The following ZNF556 variants were observed in gnomAD, a reference collection of about 807,000 sequenced individuals.
ZNF556 encodes the protein zinc finger protein 556.
In ZNF556, 11 loss-of-function variants were observed where a neutral mutation model predicts 13.6. The ratio of observed to expected loss-of-function variants is 0.81; its 90% CI spans 0.51 to 1.33. The LOEUF (loss-of-function observed/expected upper bound fraction) is 1.33, where lower values mean the gene tolerates loss of function less well. Among genes scored for constraint, ZNF556 ranks in the 40% most tolerant of loss-of-function variants. The pLI is 0.00. For missense variants in ZNF556, 633 were observed against 566.2 expected, an observed-to-expected ratio of 1.12 and a Z score of -1.20; for synonymous variants, 229 against 207.8, an observed-to-expected ratio of 1.10 and a Z score of -0.88.
chr19:2,877,578 C>A lies in ZNF556; in HGVS notation c.620C>A (p.Ser207Tyr), dbSNP rs371915975. 18 of 1,614,018 alleles carry A rather than the reference C, an allele frequency of 1.1e-5. No individual in the cohort carries two copies. The highest frequency in any genetic ancestry group is 1.1e-4 in the East Asian group (5 of 44,884). The change falls in exon 4 of 4, where the codon TCT becomes TAT. Residue 207 changes from serine to tyrosine, a missense_variant. Ser to Tyr is a moderately radical substitution (Grantham distance 144). Transcript: ENST00000307635. ...GGAGAGAAACCCTATGCCTGTCAAT[C>A]TTGCGGGAAGACATTTCTTCGTTCC... Reference protein sequence around the residue: ...HSGEKPYACQSCGKTFLRSHS... With the variant: ...HSGEKPYACQYCGKTFLRSHS...
rs775653845 is a variant in ZNF556, at chr19:2,878,268, C to T, written c.1310C>T (p.Pro437Leu). 1.9e-6 allele frequency: 3 copies of T among 1,613,982 alleles called. No individual in the cohort carries two copies. Among genetic ancestry groups the T allele is most frequent in the African/African-American group, 2.7e-5 (2 of 74,892 alleles). ...CEKCGKAFSC[P>L]KAFQGHVRSH... is the part of the protein sequence containing the mutation. ...AAATGTGGGAAAGCTTTCAGTTGTC[C>T]CAAAGCCTTTCAAGGTCATGTGAGA... is the stretch of plus-strand genomic sequence containing the variant. Residue 437 changes from proline to leucine, a missense_variant, in exon 4 of 4, where the codon CCC (proline) becomes CTC (leucine). Coordinates refer to ENST00000307635, the MANE Select transcript of ZNF556 (RefSeq NM_024967.3).
In ZNF556 at chr19:2,877,891, G is replaced by A. The variant is rs180801559; in HGVS notation, c.933G>A (p.Gly311=). ...AACGACACGTGAGAATTCACAACGG[G>A]GAGAAACCCTATAAGTGTGGAAAAT... ...SFQRHVRIHN[G]EKPYKCGKCG... The change falls in exon 4 of 4, where the codon GGG becomes GGA. Residue 311 remains glycine, a synonymous_variant. Coordinates refer to ENST00000307635, the MANE Select transcript of ZNF556 (RefSeq NM_024967.3). 48 of 1,614,164 alleles carry A rather than the reference G, an allele frequency of 3.0e-5. 1 individual carries two copies. In the East Asian group the frequency reaches 9.6e-4, roughly 32 times the overall value.
At chr19:2,875,972 A>G (rs1401765271) in intron 2 of ZNF556, 121 bp from the exon 3 acceptor site, 2 of 910,426 alleles carry the variant, frequency 2.2e-6, no homozygotes, top group East Asian at 6.3e-5. Context: ...TCAAAAATAA[A>G]TAAATAAATA....
chr19:2,876,526 C>A (rs530443788), intron 3 of ZNF556, among the ~76,000 whole-genome samples: 2 of 152,070 alleles, frequency 1.3e-5, no homozygotes, highest in Non-Finnish European at 2.9e-5. Context: ...TTGTGACCAG[C>A]CTGACCGACA....
At chr19:2,874,576 C>T (rs2087833564) in intron 2 of ZNF556, among the ~76,000 whole-genome samples, 1 of 151,736 alleles carries the variant, frequency 6.6e-6, no homozygotes, top group Admixed American at 6.6e-5. Context: ...AACCCTGTCT[C>T]TACTAAAAAT....
At chr19:2,868,738 A>T (rs1295929043) in intron 1 of ZNF556, among the ~76,000 whole-genome samples, 15 of 106,622 alleles carry the variant, frequency 1.4e-4, no homozygotes, top group Non-Finnish European at 9.3e-5. Context: ...TTTTTTTTTC[A>T]GATGGAGCCT....
In ZNF556 at chr19:2,877,364, C is replaced by T. The variant is rs973932290; in HGVS notation, c.406C>T (p.Leu136=). 1.4e-5 allele frequency: 23 copies of T among 1,614,058 alleles called. No individual in the cohort carries two copies. The highest frequency in any genetic ancestry group is 1.9e-5 in the Non-Finnish European group (22 of 1,180,052). ...FRKTRNCNRH[L]RKNCCTSVRR... Reference sequence around the variant, plus strand: ...AAAGACTCGAAATTGTAATCGTCATCTGCGCAAGAATTGTTGTACTAGTGT... The same window carrying T: ...AAAGACTCGAAATTGTAATCGTCATTTGCGCAAGAATTGTTGTACTAGTGT... Residue 136 remains leucine (L), a synonymous_variant, in exon 4 of 4, where the codon CTG becomes TTG. Transcript: ENST00000307635.
rs1050158745 is a variant in ZNF556, at chr19:2,871,967, G to C, written c.4-1529G>C. 5.3e-5 allele frequency among the ~76,000 whole-genome samples: 8 copies of C among 152,046 alleles called. No homozygotes were observed. In the South Asian group the frequency reaches 1.7e-3, roughly 32 times the overall value. The stretch of plus-strand genomic sequence containing the variant: ...CCTTCCCTGCGTGGCAGCCGAGGCA[G>C]AGAGAGAGAGGAGACAGAGAGTGAG... On this transcript the variant is annotated intron_variant, in intron 1 of 3. Transcript: ENST00000307635.
chr19:2,876,256 CA>C lies in ZNF556; in HGVS notation c.295del (p.Thr99ProfsTer6). On this transcript the variant is annotated frameshift_variant, in exon 3 of 4. Coordinates refer to ENST00000307635, the MANE Select transcript of ZNF556 (RefSeq NM_024967.3). LOFTEE classifies it low-confidence loss of function (END_TRUNC). ...EEHSVKDKHN[T>X]KERHLSRNPR... is the part of the protein sequence containing the mutation. The stretch of plus-strand genomic sequence containing the variant: ...AACATAGCGTTAAAGACAAGCACAA[CA>C]CCAAGGAGAGACATTTGAGGTGAGT... The C allele has an allele frequency of 9.4e-6, 15 of 1,595,590 alleles. No individual in the cohort carries two copies. Among genetic ancestry groups the C allele is most frequent in the Non-Finnish European group, 1.3e-5 (15 of 1,174,562 alleles).
At chr19:2,869,725 G>A (rs564848284) in intron 1 of ZNF556, among the ~76,000 whole-genome samples, 7 of 152,212 alleles carry the variant, frequency 4.6e-5, no homozygotes, top group African/African-American at 1.7e-4. Context: ...AAGCTGACAC[G>A]CCTACTTCTC....
chr19:2,877,223 A>C (rs1387750315), intron 3 of ZNF556, 50 bp from the exon 4 acceptor site: 6 of 1,471,646 alleles, frequency 4.1e-6, no homozygotes, highest in Non-Finnish European at 4.6e-6. Flanking sequence ...GGAAAAAAAA[A>C]AAGAAATTAT....
At chr19:2,873,013 A>G (rs947412960) in intron 1 of ZNF556, among the ~76,000 whole-genome samples, 3 of 151,598 alleles carry the variant, frequency 2.0e-5, no homozygotes, top group Non-Finnish European at 4.4e-5. Context: ...TGCATCTGTA[A>G]TCCCAGCTAC....
Position 2,878,444 on chromosome 19 carries a change from G to A in ZNF556, c.*115G>A, listed in dbSNP as rs1424468423. ...CCAGCACTTTGGGAGGCCGAGGCAGGCGGATCACGAGGTCAGGAGATCAAG... is the reference window on the plus strand; with the variant it reads ...CCAGCACTTTGGGAGGCCGAGGCAGACGGATCACGAGGTCAGGAGATCAAG... On this transcript the variant is annotated 3_prime_UTR_variant, in exon 4 of 4. Coordinates refer to ENST00000307635, the MANE Select transcript of ZNF556 (RefSeq NM_024967.3). The A allele has an allele frequency of 9.7e-7, 1 of 1,027,990 alleles. No homozygotes were observed. The highest frequency in any genetic ancestry group is 1.4e-6 in the Non-Finnish European group (1 of 705,896). The allele number at this position is 1,027,990 out of a possible 1,614,324, so 63.7% of individuals were successfully genotyped here.
Position 2,878,343 on chromosome 19 carries a change from G to A in ZNF556, c.*14G>A. The A allele has an allele frequency of 6.2e-7, 1 of 1,607,104 alleles. No individual in the cohort carries two copies. Among genetic ancestry groups the A allele is most frequent in the Non-Finnish European group, 8.5e-7 (1 of 1,176,590 alleles). ...ACATCTAAGTAATGGGGGAAAACCT[G>A]TGCAAATTAATTCACATACATGGTT... On this transcript the variant is annotated 3_prime_UTR_variant, in exon 4 of 4. Coordinates refer to ENST00000307635, the MANE Select transcript of ZNF556 (RefSeq NM_024967.3).
At chr19:2,871,781 G>C (rs906486574) in intron 1 of ZNF556, among the ~76,000 whole-genome samples, 3 of 152,168 alleles carry the variant, frequency 2.0e-5, no homozygotes, top group Admixed American at 1.3e-4. Context: ...AGCTGGGCCC[G>C]GGGGACCACA....
rs777108591 is a variant in ZNF556, at chr19:2,876,125, A to C, written c.163A>C (p.Ile55Leu). Residue 55 changes from isoleucine (I) to leucine (L), a missense_variant, in exon 3 of 4, where the codon ATT becomes CTT. Coordinates refer to ENST00000307635, the MANE Select transcript of ZNF556 (RefSeq NM_024967.3). ...GGCTCAGCTTAAAGCCAGTGGGTCT[A>C]TTTCTCAGCAGGATACTTCTGGAGA... The part of the protein sequence containing the change: ...NEAQLKASGS[I>L]SQQDTSGEKL... 48 of 1,611,924 alleles carry C rather than the reference A, an allele frequency of 3.0e-5. No individual in the cohort carries two copies. In the African/African-American group the frequency reaches 4.7e-4, roughly 16 times the overall value.
chr19:2,869,513 C>T (rs907990428), intron 1 of ZNF556, among the ~76,000 whole-genome samples: 10 of 152,088 alleles, frequency 6.6e-5, no homozygotes, highest in Admixed American at 5.9e-4. Flanking sequence ...ACTACAGGTG[C>T]CCTCCACCAC....
rs57053138 is a variant in ZNF556 at position 2,882,531 on chromosome 19, A to ATATATTGTGTGTGTGTGTGTGT, written c.*4202_*4203insTATATTGTGTGTGTGTGTGTGT. The stretch of plus-strand genomic sequence containing the variant: ...ATACATTTTATATATATATATATAT[A>ATATATTGTGTGTGTGTGTGTGT]GTGTGTGTGTGTGTGTGTGTGTGTG... On this transcript the variant is annotated 3_prime_UTR_variant, in exon 4 of 4. Transcript: ENST00000307635. 1.6e-5 allele frequency: 2 copies of ATATATTGTGTGTGTGTGTGTGT among 127,722 alleles called. No homozygotes were observed. The highest frequency in any genetic ancestry group is 6.1e-5 in the African/African-American group (2 of 32,940). 7.9% of individuals were successfully genotyped at this position (127,722 alleles called of 1,614,324 possible).
chr19:2,870,982 T>A (rs1182991034), intron 1 of ZNF556, among the ~76,000 whole-genome samples: 2 of 150,696 alleles, frequency 1.3e-5, no homozygotes, highest in Non-Finnish European at 2.9e-5. Context: ...GAGGTTGCAG[T>A]GAGCCGAGAT....
Sources: gnomAD v4.1 joint callset for allele counts (sites outside exome capture counted in the v4.1 genomes callset) on GRCh38, gnomAD v4.1.1 for gene constraint, MANE v1.5 for transcripts, NCBI Gene and HGNC (gene_info 2026-07-23, HGNC 2026-07-21) for gene names.